Variants in LRRC9 observed in about 807,000 individuals in gnomAD.
The protein encoded by LRRC9 is leucine-rich repeat-containing protein 9.
A neutral mutation model predicts 63.2 loss-of-function variants in LRRC9; 122 were observed. The ratio of observed to expected loss-of-function variants is 1.93; its 90% CI spans 1.67 to 2.24. LRRC9 has a LOEUF of 2.24. Among genes scored for constraint, LRRC9 ranks in the 30% most tolerant of loss-of-function variants. The pLI, the probability that LRRC9 is intolerant of heterozygous loss-of-function variation, is 0.00. For missense variants in LRRC9, 1,071 were observed against 627.7 expected (o/e 1.71, Z -7.55); for synonymous variants, 366 against 213.1 (o/e 1.72, Z -6.25).
At chr14:60,046,058 A>T (rs977283855) in intron 29 of LRRC9, among the ~76,000 whole-genome samples, 1 of 152,090 alleles carries the variant, frequency 6.6e-6, no homozygotes, top group Non-Finnish European at 1.5e-5. Context: ...CATCAGCCTC[A>T]TGTATGTCTG....
At chr14:59,973,777 T>C (rs1403063439) in intron 12 of LRRC9, among the ~76,000 whole-genome samples, 1 of 152,118 alleles carries the variant, frequency 6.6e-6, no homozygotes, top group Non-Finnish European at 1.5e-5. Flanking sequence ...TTTTTCAGAA[T>C]GTCTTTGGAT....
chr14:60,032,995 A>AT (rs1892118794), intron 29 of LRRC9, among the ~76,000 whole-genome samples: 1 of 152,178 alleles, frequency 6.6e-6, no homozygotes, highest in Non-Finnish European at 1.5e-5. Flanking sequence ...ATAAACATAT[A>AT]TATCACTCCA....
At chr14:59,996,209 T>C (rs181152235) in intron 17 of LRRC9, among the ~76,000 whole-genome samples, 9 of 152,292 alleles carry the variant, frequency 5.9e-5, no homozygotes, top group East Asian at 1.9e-4. Context: ...GTTTTTTTTT[T>C]CTAAAGTTAT....
At chr14:59,952,647 T>C (rs1883290518) in intron 8 of LRRC9, among the ~76,000 whole-genome samples, 1 of 152,212 alleles carries the variant, frequency 6.6e-6, no homozygotes, top group South Asian at 2.1e-4. Flanking sequence ...GTTGTTGTTG[T>C]TGCTTTTATT....
chr14:59,944,616 T>C, exon 8 of LRRC9: 1 of 629,238 alleles, frequency 1.6e-6, no homozygotes, highest in South Asian at 1.9e-5. Context: ...AATAATGTAT[T>C]ATAATATGCG....
rs1881335630 is a variant in LRRC9, at chr14:59,938,845, CAG to C, written c.726+274_726+275del. On this transcript the variant is annotated intron_variant, in intron 7 of 31. Coordinates refer to ENST00000445360, the Ensembl canonical transcript of LRRC9. The surrounding 1 kb of genome is among the most constrained non-coding windows in gnomAD (Gnocchi z 4.2). ...AACAAGAAGGAAATTGAAAAAAAATCAGTGTTAAAAATAGACTAGTGCCATAT... is the reference window on the plus strand; with the variant it reads ...AACAAGAAGGAAATTGAAAAAAAATCTGTTAAAAATAGACTAGTGCCATAT... Among the ~76,000 whole-genome samples, 1 of 120,846 alleles carries C rather than the reference CAG, an allele frequency of 8.3e-6. No homozygotes were observed. Among genetic ancestry groups the C allele is most frequent in the Non-Finnish European group, 1.7e-5 (1 of 58,568 alleles). 79.3% of individuals were successfully genotyped at this position (120,846 alleles called of 152,430 possible).
At chr14:60,014,844 T>C (rs904863778) in intron 23 of LRRC9, among the ~76,000 whole-genome samples, 1 of 152,122 alleles carries the variant, frequency 6.6e-6, no homozygotes, top group Non-Finnish European at 1.5e-5. Context: ...CTTCTTCAAA[T>C]ACTTTTTCAG....
chr14:60,005,925 T>G (rs1889767734), intron 21 of LRRC9, among the ~76,000 whole-genome samples: 1 of 152,078 alleles, frequency 6.6e-6, no homozygotes, highest in African/African-American at 2.4e-5. Flanking sequence ...TTAGAGTACT[T>G]TTAGGCATAA....
chr14:60,048,467 G>C (rs1263597924), intron 29 of LRRC9, among the ~76,000 whole-genome samples: 2 of 152,064 alleles, frequency 1.3e-5, no homozygotes, highest in East Asian at 1.9e-4. Flanking sequence ...TATCACCACT[G>C]ACCCCACAAA....
At chr14:59,929,154 A>C (rs771949920) in intron 3 of LRRC9, among the ~76,000 whole-genome samples, 3 of 152,096 alleles carry the variant, frequency 2.0e-5, no homozygotes, top group African/African-American at 4.8e-5. Flanking sequence ...AATGGGAGAA[A>C]ATTTTTGCAA....
In LRRC9 at chr14:60,027,792, C is replaced by A; in HGVS notation, c.3704-92C>A. The A allele has an allele frequency of 2.0e-6, 1 of 505,480 alleles. No individual in the cohort carries two copies. The highest frequency in any genetic ancestry group is 3.5e-6 in the Non-Finnish European group (1 of 286,500). The allele number at this position is 505,480 out of a possible 1,614,324, so 31.3% of individuals were successfully genotyped here. On this transcript the variant is annotated intron_variant, in intron 27 of 31. Transcript: ENST00000445360. This position sits in a 1 kb window ranked among gnomAD's most constrained non-coding sequence, Gnocchi z 4.0. ...GAATCCTTTACTTCTTTTGACAAAT[C>A]ATCTGATTAAAAAATATTTAAATGT...
chr14:60,008,352 G>C, intron 23 of LRRC9, 138 bp downstream of exon 23: 1 of 487,252 alleles, frequency 2.1e-6, no homozygotes, highest in Non-Finnish European at 3.6e-6. Flanking sequence ...GGTCTCCAAA[G>C]CTTATTTTAG....
At chr14:60,056,005 T>G (rs1894257810) in intron 30 of LRRC9, among the ~76,000 whole-genome samples, 1 of 152,128 alleles carries the variant, frequency 6.6e-6, no homozygotes, top group Non-Finnish European at 1.5e-5. Flanking sequence ...GCCATCCGCA[T>G]TCTTTGGCTC....
chr14:60,060,461 C>T lies in LRRC9; in HGVS notation c.4276+2439C>T, dbSNP rs1178803809. ...AACTACCATAGACAGTGATTCCTAA[C>T]CGGGCGCGATGGCTCACGCTTGTAA... On this transcript the variant is annotated intron_variant, in intron 31 of 31. Transcript: ENST00000445360. This position sits in a 1 kb window ranked among gnomAD's most constrained non-coding sequence, Gnocchi z 4.0. Among the ~76,000 whole-genome samples, 2 of 152,216 alleles carry T rather than the reference C, an allele frequency of 1.3e-5. No individual in the cohort carries two copies. Among genetic ancestry groups the T allele is most frequent in the South Asian group, 4.1e-4 (2 of 4,824 alleles).
chr14:60,010,926 C>T (rs1464647364), intron 23 of LRRC9, among the ~76,000 whole-genome samples: 1 of 152,190 alleles, frequency 6.6e-6, no homozygotes, highest in Non-Finnish European at 1.5e-5. Flanking sequence ...CAACAAGTCT[C>T]TAGGAAGTTA....
At chr14:60,052,725 G>C (rs542120332) in intron 29 of LRRC9, among the ~76,000 whole-genome samples, 33 of 152,324 alleles carry the variant, frequency 2.2e-4, no homozygotes, top group African/African-American at 7.0e-4. Flanking sequence ...GAATTAATTA[G>C]ATAGTGCCTG....
At position 59,990,020 on chromosome 14, in the gene LRRC9, T is replaced by G. The variant is rs1451901908; in HGVS notation, c.2211+4796T>G. Reference sequence around the variant, plus strand: ...TCGGCTCACCGCAACATCCACCTCCTGGATTCAAGTAATTCTCCTGCCTTG... The same window carrying G: ...TCGGCTCACCGCAACATCCACCTCCGGGATTCAAGTAATTCTCCTGCCTTG... On this transcript the variant is annotated intron_variant, in intron 17 of 31. Coordinates refer to ENST00000445360, the Ensembl canonical transcript of LRRC9. The surrounding 1 kb of genome is among the most constrained non-coding windows in gnomAD (Gnocchi z 4.2). Among the ~76,000 whole-genome samples the G allele has an allele frequency of 6.6e-6, 1 of 150,860 alleles. No homozygotes were observed. Among genetic ancestry groups the G allele is most frequent in the Non-Finnish European group, 1.5e-5 (1 of 67,812 alleles).
At chr14:60,066,185 T>C (rs754315999), downstream of LRRC9, among the ~76,000 whole-genome samples, 2 of 151,882 alleles carry the variant, frequency 1.3e-5, no homozygotes, top group Non-Finnish European at 2.9e-5. Flanking sequence ...TGATTGTGAA[T>C]ATATTTTTGC....
At position 59,990,912 on chromosome 14, in the gene LRRC9, G is replaced by T. The variant is rs1437576678; in HGVS notation, c.2211+5688G>T. Among the ~76,000 whole-genome samples, 1 of 152,204 alleles carries T rather than the reference G, an allele frequency of 6.6e-6. No individual in the cohort carries two copies. The highest frequency in any genetic ancestry group is 1.5e-5 in the Non-Finnish European group (1 of 68,046). ...CCCACATGAATACCATGCAGGTCTT[G>T]TGTTGATGGTGGTTTATCTCTACCA... On this transcript the variant is annotated intron_variant, in intron 17 of 31. Transcript: ENST00000445360. This position sits in a 1 kb window ranked among gnomAD's most constrained non-coding sequence, Gnocchi z 4.2.
Sources: gnomAD v4.1 joint callset for allele counts (sites outside exome capture counted in the v4.1 genomes callset) on GRCh38, gnomAD v4.1.1 for gene constraint, Gnocchi (gnomAD v3.1) non-coding constraint, MANE v1.5 for transcripts, NCBI Gene and HGNC (gene_info 2026-07-23, HGNC 2026-07-21) for gene names.